Variants in WDR59 observed in about 807,000 individuals in gnomAD.
WDR59 encodes the protein WD repeat domain 59.
WDR59 carries 100 observed loss-of-function variants against 131.2 expected under a neutral mutation model. That is an observed-to-expected ratio of 0.76 (90% CI 0.65 to 0.90). The LOEUF (loss-of-function observed/expected upper bound fraction) is 0.90. Ranked by LOEUF, WDR59 falls within the 40% of genes least tolerant of loss-of-function variation. WDR59 has a pLI of 0.00. For missense variants in WDR59, 1,203 were observed against 1,262.2 expected (o/e 0.95, Z 0.71); for synonymous variants, 601 against 466.2 (o/e 1.29, Z -3.72).
intron 1 of WDR59, 123 bp downstream of exon 1, chr16:74,984,841 G>T: frequency 7.0e-7 from 1 of 1,419,208 alleles, no homozygotes; most frequent in Non-Finnish European, 9.6e-7. Context: ...GCTAAGCCCC[G>T]CCCACCTCCT....
At chr16:74,941,586 G>A (rs994930813) in intron 7 of WDR59, among the ~76,000 whole-genome samples, 15 of 151,568 alleles carry the variant, frequency 9.9e-5, no homozygotes, top group Non-Finnish European at 1.5e-5. Context: ...CCCAGCTACT[G>A]GGGAGGCTGA....
intron 1 of WDR59, among the ~76,000 whole-genome samples, chr16:74,979,420 C>A (rs532236005): frequency 2.6e-5 from 4 of 151,312 alleles, no homozygotes; most frequent in African/African-American, 4.8e-5. Flanking sequence ...GAGCCAAGAT[C>A]GAGCCACTGC....
At chr16:74,888,094 G>C in intron 22 of WDR59, 75 bp downstream of exon 22, 1 of 1,483,374 alleles carries the variant, frequency 6.7e-7, no homozygotes, top group Non-Finnish European at 9.0e-7. Context: ...CTCCAGCCTG[G>C]GCAACAAAGT....
chr16:74,888,923 G>C (rs1964905651), intron 21 of WDR59, among the ~76,000 whole-genome samples: 1 of 152,210 alleles, frequency 6.6e-6, no homozygotes, highest in African/African-American at 2.4e-5. Flanking sequence ...AGGAATCAGA[G>C]GGGCTTTGCC....
At chr16:74,965,585 C>G (rs566881885) in intron 2 of WDR59, among the ~76,000 whole-genome samples, 188 bp downstream of exon 2, 139 of 152,298 alleles carry the variant, frequency 9.1e-4, no homozygotes, top group Middle Eastern at 3.4e-3. Context: ...TATTGCTTAC[C>G]TATTAGGGCA....
At chr16:74,976,440 CTT>C (rs763009590) in intron 1 of WDR59, among the ~76,000 whole-genome samples, 2 of 137,424 alleles carry the variant, frequency 1.5e-5, no homozygotes, top group Non-Finnish European at 1.6e-5. Context: ...TTTTTCTTTT[CTT>C]TTTTTTTTTT....
At chr16:74,973,422 T>C (rs929420974) in intron 1 of WDR59, among the ~76,000 whole-genome samples, 10 of 152,104 alleles carry the variant, frequency 6.6e-5, no homozygotes, top group Non-Finnish European at 1.0e-4. Context: ...GAGTAAATGG[T>C]ACCACAGGCA....
chr16:74,888,164 C>T lies in WDR59; in HGVS notation c.2346+5G>A. 1.3e-6 allele frequency: 2 copies of T among 1,558,578 alleles called. No individual in the cohort carries two copies. Among genetic ancestry groups the T allele is most frequent in the South Asian group, 2.4e-5 (2 of 83,836 alleles). ...TCAGACAAAACCAGAAAAGGACAAA[C>T]TTACATATCGACTATGGGACACCAC... On this transcript the variant is annotated splice_donor_5th_base_variant and intron_variant, in intron 22 of 25. Transcript: ENST00000262144.
Position 74,923,961 on chromosome 16 carries a change from G to T in WDR59, c.694C>A (p.Pro232Thr). ...RQPRKYLNIL[P>T]CQVPVWKARY... ...GCCTTCCAGACAGGCACCTGGCAAGGAAGAATATTGAGGTATTTCCGAGGC... is the reference window on the plus strand; with the variant it reads ...GCCTTCCAGACAGGCACCTGGCAAGTAAGAATATTGAGGTATTTCCGAGGC... Residue 232 changes from proline to threonine, a missense_variant, in exon 9 of 26, where the codon CCT becomes ACT. By Grantham distance (38) the Pro-to-Thr change is conservative. Transcript: ENST00000262144. 6.2e-7 allele frequency: 1 copy of T among 1,613,808 alleles called. No homozygotes were observed. The highest frequency in any genetic ancestry group is 8.5e-7 in the Non-Finnish European group (1 of 1,179,982).
chr16:74,957,081 C>CTTTTTTTTTT (rs34834142), intron 2 of WDR59, among the ~76,000 whole-genome samples: 7 of 123,948 alleles, frequency 5.6e-5, no homozygotes, highest in Admixed American at 8.5e-5. Flanking sequence ...CTTTTTTTTT[C>CTTTTTTTTTT]TTTTTTTTTT....
chr16:74,915,897 A>G lies in WDR59; in HGVS notation c.1197T>C (p.Asn399=). ...QTLQQEFSLI[N]VQIRNVNVEM... is the part of the protein sequence containing the mutation. Reference sequence around the variant, plus strand: ...CCACATTGACATTCCGGATTTGCACATTGATCAGGGAGAATTCCTGCTGCA... The same window carrying G: ...CCACATTGACATTCCGGATTTGCACGTTGATCAGGGAGAATTCCTGCTGCA... Residue 399 remains asparagine (N), a synonymous_variant, in exon 13 of 26, where the codon AAT becomes AAC. Coordinates refer to ENST00000262144, the MANE Select transcript of WDR59 (RefSeq NM_030581.4). 6.2e-7 allele frequency: 1 copy of G among 1,614,244 alleles called. No individual in the cohort carries two copies. The highest frequency in any genetic ancestry group is 8.5e-7 in the Non-Finnish European group (1 of 1,180,040).
At chr16:74,918,967 A>G (rs1384293858) in intron 10 of WDR59, among the ~76,000 whole-genome samples, 3 of 152,196 alleles carry the variant, frequency 2.0e-5, no homozygotes, top group African/African-American at 4.8e-5. Context: ...ACGGCTTGTT[A>G]CAAGTGCCAC....
At position 74,873,410 on chromosome 16, in the gene WDR59, C is replaced by G. The variant is rs1421809031; in HGVS notation, c.*799G>C. The G allele has an allele frequency of 6.6e-6, 1 of 152,188 alleles. No individual in the cohort carries two copies. The highest frequency in any genetic ancestry group is 1.9e-4 in the East Asian group (1 of 5,192). The allele number at this position is 152,188 out of a possible 1,614,324, so 9.4% of individuals were successfully genotyped here. On this transcript the variant is annotated 3_prime_UTR_variant, in exon 26 of 26. Transcript: ENST00000262144. ...TCCTTTTGCTAGAAGAAATAAGACTCTTGGGGCTAGGAAGAACCTTAAATG... is the reference window on the plus strand; with the variant it reads ...TCCTTTTGCTAGAAGAAATAAGACTGTTGGGGCTAGGAAGAACCTTAAATG...
Position 74,873,967 on chromosome 16 carries a change from A to G in WDR59, c.*242T>C, listed in dbSNP as rs1031882888. 1.9e-6 allele frequency: 1 copy of G among 517,668 alleles called. No individual in the cohort carries two copies. The highest frequency in any genetic ancestry group is 1.9e-5 in the African/African-American group (1 of 52,178). The allele number at this position is 517,668 out of a possible 1,614,324, so 32.1% of individuals were successfully genotyped here. ...CTTGGTAGCTCAGCCGACATAGACA[A>G]CACACAAAGCGCAGCTCTGCACTTC... On this transcript the variant is annotated 3_prime_UTR_variant, in exon 26 of 26. Coordinates refer to ENST00000262144, the MANE Select transcript of WDR59 (RefSeq NM_030581.4).
intron 18 of WDR59, chr16:74,899,623 C>A: frequency 8.4e-7 from 1 of 1,191,292 alleles, no homozygotes. Flanking sequence ...CAAAGCCAGG[C>A]AGGTGGCATT....
chr16:74,985,038 G>A lies in WDR59; in HGVS notation c.-21C>T. ...GCCATCTCCCCCGCCCGGCCGCCGC[G>A]GCCCCAGGACGGCGCCCTCCCACCC... On this transcript the variant is annotated 5_prime_UTR_variant, in exon 1 of 26. Coordinates refer to ENST00000262144, the MANE Select transcript of WDR59 (RefSeq NM_030581.4). 1.3e-6 allele frequency: 2 copies of A among 1,561,000 alleles called. No homozygotes were observed. Among genetic ancestry groups the A allele is most frequent in the East Asian group, 2.4e-5 (1 of 41,870 alleles).
In WDR59 at chr16:74,922,002, G is replaced by T; in HGVS notation, c.831C>A (p.Thr277=). The T allele has an allele frequency of 6.2e-7, 1 of 1,614,190 alleles. No homozygotes were observed. Among genetic ancestry groups the T allele is most frequent in the Non-Finnish European group, 8.5e-7 (1 of 1,180,034 alleles). ...NVFDLNTPVH[T]FVGHDDVVLE... ...GGACCACATCATCATGCCCCACGAAGGTGTGGACTGGGGTGTTCAAGTCAA... is the reference window on the plus strand; with the variant it reads ...GGACCACATCATCATGCCCCACGAATGTGTGGACTGGGGTGTTCAAGTCAA... The change falls in exon 10 of 26, where the codon ACC becomes ACA. Residue 277 remains threonine (T), a synonymous_variant. Transcript: ENST00000262144.
At chr16:74,919,117 C>A (rs74490240) in intron 10 of WDR59, among the ~76,000 whole-genome samples, 6,345 of 152,232 alleles carry the variant, frequency 0.042, 176 homozygotes, top group Middle Eastern at 0.071. Context: ...TGTGCCTCCC[C>A]CGCTGGTCCC....
At chr16:74,934,188 T>C (rs540452100) in intron 8 of WDR59, among the ~76,000 whole-genome samples, 95 of 152,202 alleles carry the variant, frequency 6.2e-4, no homozygotes, top group Non-Finnish European at 1.2e-3. Context: ...ATTAATTATA[T>C]ACAAGTAAAA....
Sources: gnomAD v4.1 joint callset for allele counts (sites outside exome capture counted in the v4.1 genomes callset) on GRCh38, gnomAD v4.1.1 for gene constraint, MANE v1.5 for transcripts, NCBI Gene and HGNC (gene_info 2026-07-23, HGNC 2026-07-21) for gene names.